Variants in PGM5 observed in about 807,000 individuals in gnomAD.
PGM5 encodes the protein phosphoglucomutase-like protein 5.
A neutral mutation model predicts 59.2 loss-of-function variants in PGM5; 23 were observed. That is an observed-to-expected ratio of 0.39 (90% CI 0.28 to 0.55). The LOEUF is 0.55. Ranked by LOEUF, PGM5 falls within the 20% of genes least tolerant of loss-of-function variation. The pLI, the probability that PGM5 is intolerant of heterozygous loss-of-function variation, is 0.66. For synonymous variants in PGM5, 214 were observed against 286.0 expected, an observed-to-expected ratio of 0.75 and a Z score of 2.54; for missense variants, 574 against 748.3, an observed-to-expected ratio of 0.77 and a Z score of 2.72.
chr9:68,515,863 C>T (rs1451762941), intron 10 of PGM5, among the ~76,000 whole-genome samples: 1 of 152,186 alleles, frequency 6.6e-6, no homozygotes, highest in African/African-American at 2.4e-5. Flanking sequence ...GGTCCACTCA[C>T]CTGTAGCCTA....
chr9:68,477,675 C>T (rs1824128522), intron 7 of PGM5, among the ~76,000 whole-genome samples: 2 of 152,210 alleles, frequency 1.3e-5, no homozygotes, highest in African/African-American at 2.4e-5. Context: ...GAGGAATCAG[C>T]ACCTTGCAGT....
At chr9:68,484,713 G>A (rs28510448) in intron 9 of PGM5, among the ~76,000 whole-genome samples, 6,721 of 152,110 alleles carry the variant, frequency 0.044, 212 homozygotes, top group East Asian at 0.086. Context: ...TGAAATGTTT[G>A]TAGCCTGCAG....
chr9:68,370,582 C>A (rs1821666873), intron 1 of PGM5, among the ~76,000 whole-genome samples: 1 of 152,278 alleles, frequency 6.6e-6, no homozygotes, highest in East Asian at 1.9e-4. Flanking sequence ...CATTAAAAAA[C>A]CATAGTTGTA....
At chr9:68,388,071 A>G (rs1379717499) in intron 4 of PGM5, among the ~76,000 whole-genome samples, 2 of 143,442 alleles carry the variant, frequency 1.4e-5, no homozygotes, top group Admixed American at 7.2e-5. Flanking sequence ...AATTCATACT[A>G]CAGGAACTGG....
chr9:68,476,909 G>C (rs1824115225), intron 7 of PGM5, among the ~76,000 whole-genome samples: 1 of 152,140 alleles, frequency 6.6e-6, no homozygotes, highest in South Asian at 2.1e-4. Flanking sequence ...ATGTAATCCA[G>C]CTGGAGTTCG....
At chr9:68,413,570 A>G (rs1822971933) in intron 6 of PGM5, among the ~76,000 whole-genome samples, 1 of 152,248 alleles carries the variant, frequency 6.6e-6, no homozygotes, top group Non-Finnish European at 1.5e-5. Flanking sequence ...TTATTTGGAA[A>G]AGTAAAGTTT....
intron 6 of PGM5, among the ~76,000 whole-genome samples, chr9:68,420,080 G>A (rs782379242): frequency 6.6e-6 from 1 of 152,090 alleles, no homozygotes; most frequent in East Asian, 1.9e-4. Flanking sequence ...AGCTGAAAAC[G>A]TACACCTAGA....
At chr9:68,368,922 G>C (rs1287228036) in intron 1 of PGM5, among the ~76,000 whole-genome samples, 1 of 152,236 alleles carries the variant, frequency 6.6e-6, no homozygotes, top group Non-Finnish European at 1.5e-5. Flanking sequence ...TGGGACTATA[G>C]GTGTGACTCA....
chr9:68,357,925 A>ACACACG (rs1554675930), intron 1 of PGM5: 1 of 72,846 alleles, frequency 1.4e-5, no homozygotes, highest in Non-Finnish European at 3.0e-5. Flanking sequence ...ACACACACAC[A>ACACACG]CACACACACA....
At chr9:68,514,542 T>A (rs1276001727) in intron 10 of PGM5, among the ~76,000 whole-genome samples, 2 of 151,822 alleles carry the variant, frequency 1.3e-5, no homozygotes, top group Non-Finnish European at 2.9e-5. Context: ...GCGGTGGAGG[T>A]TGTGGTGAAC....
chr9:68,479,331 C>A, intron 7 of PGM5, 87 bp from the exon 8 acceptor site: 2 of 1,208,126 alleles, frequency 1.7e-6, no homozygotes, highest in African/African-American at 1.5e-5. Context: ...ACATAACATT[C>A]AATCACTAAC....
chr9:68,529,642 A>T lies in PGM5; in HGVS notation c.1690A>T (p.Thr564Ser), dbSNP rs774960653. The T allele has an allele frequency of 6.3e-7, 1 of 1,594,918 alleles. No homozygotes were observed. Among genetic ancestry groups the T allele is most frequent in the Non-Finnish European group, 8.6e-7 (1 of 1,167,196 alleles). ...TGAGAGAACTGGCCGGAGGGGACCC[A>T]CTGTCATCACCTGAATAGAGGAAAG... ...IHERTGRRGP[T>S]VIT is the part of the protein sequence containing the mutation. The change falls in exon 11 of 11, where the codon ACT becomes TCT. Residue 564 changes from threonine (T) to serine (S), a missense_variant. Physicochemically the swap from Thr to Ser is moderately conservative, Grantham distance 58. Coordinates refer to ENST00000396396, the MANE Select transcript of PGM5 (RefSeq NM_021965.4).
chr9:68,447,641 A>T, intron 6 of PGM5, among the ~76,000 whole-genome samples: 1 of 152,224 alleles, frequency 6.6e-6, no homozygotes, highest in Non-Finnish European at 1.5e-5. Context: ...TACTAGAAGA[A>T]GGCTATAGTT....
At chr9:68,450,835 G>T (rs142781142) in intron 6 of PGM5, among the ~76,000 whole-genome samples, 1 of 152,250 alleles carries the variant, frequency 6.6e-6, no homozygotes, top group East Asian at 1.9e-4. Flanking sequence ...TCTCATATTC[G>T]AAATCTGCAT....
chr9:68,383,740 T>TAAAAAAAAAAAAA (rs61055122), intron 2 of PGM5, among the ~76,000 whole-genome samples: 1 of 106,266 alleles, frequency 9.4e-6, no homozygotes, highest in Non-Finnish European at 1.9e-5. Flanking sequence ...ATATACAAGG[T>TAAAAAAAAAAAAA]AAAAAAAAAA....
chr9:68,511,722 T>C (rs1339680371), intron 10 of PGM5, among the ~76,000 whole-genome samples: 1 of 151,938 alleles, frequency 6.6e-6, no homozygotes, highest in Non-Finnish European at 1.5e-5. Flanking sequence ...GGCTAATTTT[T>C]GTATTTTTAG....
At chr9:68,469,502 G>A (rs1306656418) in intron 7 of PGM5, among the ~76,000 whole-genome samples, 5 of 152,232 alleles carry the variant, frequency 3.3e-5, no homozygotes, top group Admixed American at 1.3e-4. Context: ...GAACTCTGAA[G>A]TACAGCCTGG....
chr9:68,426,096 T>C (rs1287847955), intron 6 of PGM5, among the ~76,000 whole-genome samples: 2 of 152,164 alleles, frequency 1.3e-5, no homozygotes, highest in Admixed American at 1.3e-4. Context: ...ATGTCCATGA[T>C]TAAAAACTTG....
Position 68,357,113 on chromosome 9 carries a change from C to G in PGM5, c.-15C>G, listed in dbSNP as rs1385551322. 1.3e-6 allele frequency: 2 copies of G among 1,497,280 alleles called. No homozygotes were observed. The highest frequency in any genetic ancestry group is 1.8e-6 in the Non-Finnish European group (2 of 1,127,950). 92.7% of individuals were successfully genotyped at this position (1,497,280 alleles called of 1,614,324 possible). A position where few individuals can be genotyped will look rare whatever the true frequency, so the allele number is the denominator to read the frequency against. ...CCGGCTCCGGGAGCCGCAGCAGGACCGGCCAGGAGGCGCCATGGAGGGGAG... is the reference window on the plus strand; with the variant it reads ...CCGGCTCCGGGAGCCGCAGCAGGACGGGCCAGGAGGCGCCATGGAGGGGAG... On this transcript the variant is annotated 5_prime_UTR_variant, in exon 1 of 11. Coordinates refer to ENST00000396396, the MANE Select transcript of PGM5 (RefSeq NM_021965.4).
Sources: allele counts gnomAD v4.1 joint callset (sites outside exome capture counted in the v4.1 genomes callset), GRCh38; gene constraint gnomAD v4.1.1; transcripts MANE v1.5; gene names NCBI Gene and HGNC (gene_info 2026-07-23, HGNC 2026-07-21).